The following THRAP3 variants were observed in gnomAD, a reference collection of about 807,000 sequenced individuals.
THRAP3 encodes the protein thyroid hormone receptor associated protein 3.
In THRAP3, 16 loss-of-function variants were observed where a neutral mutation model predicts 101.0. The observed-to-expected ratio is 0.16, with a 90% CI of 0.11 to 0.24. The LOEUF (loss-of-function observed/expected upper bound fraction) is 0.24. THRAP3 is among the 10% of genes least tolerant of loss of function. THRAP3 has a pLI of 1.00. For synonymous variants in THRAP3, 407 were observed against 422.6 expected (o/e 0.96, Z 0.45); for missense variants, 989 against 1,202.7 (o/e 0.82, Z 2.63).
chr1:36,287,413 G>A (rs1047054802), intron 4 of THRAP3, 143 bp downstream of exon 4: 26 of 1,387,722 alleles, frequency 1.9e-5, no homozygotes, highest in Non-Finnish European at 2.3e-5. Context: ...AACATTAAAA[G>A]CATCACCCAA....
chr1:36,269,413 T>C (rs192098310), intron 2 of THRAP3, among the ~76,000 whole-genome samples: 1 of 152,316 alleles, frequency 6.6e-6, no homozygotes, highest in Admixed American at 6.5e-5. Flanking sequence ...AGTATTCTCA[T>C]GTCTAAAAAC....
chr1:36,283,640 TA>T (rs1645761082), intron 3 of THRAP3, among the ~76,000 whole-genome samples: 2 of 21,148 alleles, frequency 9.5e-5, no homozygotes, highest in African/African-American at 2.0e-4. Context: ...GATGAGTATC[TA>T]GAATCCTTGT....
At chr1:36,260,534 C>G (rs1313244424) in intron 2 of THRAP3, among the ~76,000 whole-genome samples, 2 of 152,068 alleles carry the variant, frequency 1.3e-5, no homozygotes, top group Non-Finnish European at 2.9e-5. Context: ...CATTAATTGT[C>G]ACTCTGGGGC....
chr1:36,213,032 T>C, the THRAP3 span, among the ~76,000 whole-genome samples: 2 of 152,148 alleles, frequency 1.3e-5, no homozygotes, highest in Non-Finnish European at 2.9e-5. Context: ...ACTGGAACAC[T>C]GTGTATGAAG....
At chr1:36,278,936 ATAAAT>A in intron 2 of THRAP3, among the ~76,000 whole-genome samples, 1 of 152,066 alleles carries the variant, frequency 6.6e-6, no homozygotes, top group Non-Finnish European at 1.5e-5. Flanking sequence ...AAAAAAATAA[ATAAAT>A]AAAAATAAAA....
In THRAP3 at chr1:36,259,426, G is replaced by T. The variant is rs1304335666; in HGVS notation, c.-90G>T. The T allele has an allele frequency of 7.5e-6, 3 of 398,514 alleles. No homozygotes were observed. The South Asian group carries it at 3.8e-4, about 51-fold the overall frequency. 24.7% of individuals were successfully genotyped at this position (398,514 alleles called of 1,614,324 possible). On this transcript the variant is annotated 5_prime_UTR_variant, in exon 2 of 12. Coordinates refer to ENST00000354618, the MANE Select transcript of THRAP3 (RefSeq NM_005119.4). ...AAGTGAAGAAGCCAGTGGTGCTGCG[G>T]GTGTTCTTTTGGGGTAGTGTCTGGG... is the stretch of plus-strand genomic sequence containing the variant.
intron 2 of THRAP3, among the ~76,000 whole-genome samples, chr1:36,270,362 C>T (rs1001266266): frequency 6.6e-6 from 1 of 152,044 alleles, no homozygotes; most frequent in South Asian, 2.1e-4. Context: ...CCACTGCACT[C>T]CAGTCTGAAA....
chr1:36,237,408 C>T (rs1167127204), intron 1 of THRAP3, among the ~76,000 whole-genome samples: 1 of 144,998 alleles, frequency 6.9e-6, no homozygotes, highest in East Asian at 2.0e-4. Flanking sequence ...GCAGAGGTTG[C>T]AGTTAGCCAA....
chr1:36,209,772 T>C, the THRAP3 span, among the ~76,000 whole-genome samples: 3 of 152,216 alleles, frequency 2.0e-5, no homozygotes, highest in African/African-American at 7.2e-5. Flanking sequence ...TTGACTTTCC[T>C]GGGAATAACT....
At chr1:36,234,891 T>A (rs938524257) in intron 1 of THRAP3, among the ~76,000 whole-genome samples, 2 of 148,552 alleles carry the variant, frequency 1.3e-5, no homozygotes, top group Non-Finnish European at 3.0e-5. Context: ...CTTGGCTTAC[T>A]GCAACCTCTG....
At chr1:36,256,250 G>C (rs973379719) in intron 1 of THRAP3, among the ~76,000 whole-genome samples, 37 of 148,522 alleles carry the variant, frequency 2.5e-4, no homozygotes, top group African/African-American at 9.0e-4. Flanking sequence ...TTTTGAGATG[G>C]AGTCTTGCTC....
chr1:36,301,580 G>C lies in THRAP3; in HGVS notation c.2530G>C (p.Gly844Arg). 6.2e-7 allele frequency: 1 copy of C among 1,614,106 alleles called. No homozygotes were observed. Among genetic ancestry groups the C allele is most frequent in the Non-Finnish European group, 8.5e-7 (1 of 1,179,994 alleles). Reference protein sequence around the residue: ...FQFRARGRGWGRGNYSGNNNN... With the variant: ...FQFRARGRGWRRGNYSGNNNN... ...GTTTCGAGCCAGAGGAAGAGGCTGG[G>C]GCAGAGGCAACTACTCTGGGAACAA... The change falls in exon 11 of 12, where the codon GGC becomes CGC. Residue 844 changes from glycine (G) to arginine (R), a missense_variant. Coordinates refer to ENST00000354618, the MANE Select transcript of THRAP3 (RefSeq NM_005119.4).
the THRAP3 span, among the ~76,000 whole-genome samples, chr1:36,218,796 A>G: frequency 6.6e-6 from 1 of 151,782 alleles, no homozygotes; most frequent in Non-Finnish European, 1.5e-5. Flanking sequence ...GCATTTCGGG[A>G]GGCAGGGGCA....
chr1:36,230,425 A>T (rs1557804016), intron 1 of THRAP3, among the ~76,000 whole-genome samples: 1 of 147,640 alleles, frequency 6.8e-6, no homozygotes, highest in Non-Finnish European at 1.5e-5. Flanking sequence ...GCCCTGGCTA[A>T]TTTTTTTTGT....
chr1:36,211,938 A>G, the THRAP3 span, among the ~76,000 whole-genome samples: 2 of 152,202 alleles, frequency 1.3e-5, no homozygotes, highest in Non-Finnish European at 2.9e-5. Context: ...CACAAGAGAT[A>G]GCTCTAACAA....
intron 2 of THRAP3, among the ~76,000 whole-genome samples, chr1:36,273,046 A>G (rs867483779): frequency 2.0e-5 from 3 of 152,270 alleles, no homozygotes; most frequent in Admixed American, 6.5e-5. Flanking sequence ...TAACAAGTAC[A>G]AAGTGTCCAC....
rs1405291882 is a variant in THRAP3 at position 36,256,125 on chromosome 1, T to C, written c.-134-3257T>C. On this transcript the variant is annotated intron_variant, in intron 1 of 11. Coordinates refer to ENST00000354618, the MANE Select transcript of THRAP3 (RefSeq NM_005119.4). ...TCTGTCTCTTGGGCTCAGGCAGTTC[T>C]CTTGCCTCAGCCTCCCATAATGTTG... Among the ~76,000 whole-genome samples the C allele has an allele frequency of 3.3e-5, 5 of 151,918 alleles. 1 individual carries two copies. In the East Asian group the frequency reaches 9.7e-4, roughly 29 times the overall value.
At chr1:36,287,311 C>T (rs569830771) in intron 4 of THRAP3, 41 bp downstream of exon 4, 2 of 1,529,930 alleles carry the variant, frequency 1.3e-6, no homozygotes, top group East Asian at 2.3e-5. Flanking sequence ...GTTTTTATCT[C>T]ACTAGCTGGC....
chr1:36,215,542 G>A, the THRAP3 span, among the ~76,000 whole-genome samples: 1 of 152,076 alleles, frequency 6.6e-6, no homozygotes, highest in South Asian at 2.1e-4. Flanking sequence ...TAAACTTCTA[G>A]CCTAGAACAG....
Sources: allele counts gnomAD v4.1 joint callset (sites outside exome capture counted in the v4.1 genomes callset), GRCh38; gene constraint gnomAD v4.1.1; transcripts MANE v1.5; gene names NCBI Gene and HGNC (gene_info 2026-07-23, HGNC 2026-07-21).